The following BMPR1B variants were observed in gnomAD, a reference collection of about 807,000 sequenced individuals.
BMPR1B encodes bone morphogenetic protein receptor type 1B, also known as bone morphogenetic protein receptor type-1B.
In BMPR1B, 12 loss-of-function variants were observed where a neutral mutation model predicts 59.1. The ratio of observed to expected loss-of-function variants is 0.20; its 90% CI spans 0.13 to 0.33. The LOEUF is 0.33. BMPR1B is among the 10% of genes least tolerant of loss of function. BMPR1B has a pLI of 1.00. For missense variants in BMPR1B, 550 were observed against 610.9 expected (o/e 0.90, Z 1.05); for synonymous variants, 237 against 207.3 (o/e 1.14, Z -1.23).
chr4:94,939,307 T>C (rs1306977466), intron 2 of BMPR1B, among the ~76,000 whole-genome samples: 1 of 152,184 alleles, frequency 6.6e-6, no homozygotes. Flanking sequence ...TTTTAAAGCT[T>C]CTGTAGTTAA....
chr4:94,808,529 T>C (rs1341834580), intron 1 of BMPR1B, among the ~76,000 whole-genome samples: 2 of 152,186 alleles, frequency 1.3e-5, no homozygotes, highest in Non-Finnish European at 1.5e-5. Flanking sequence ...GCAATTTTGG[T>C]CATACAGCTT....
At chr4:95,034,641 T>TTA (rs140594794) in intron 3 of BMPR1B, among the ~76,000 whole-genome samples, 54,677 of 149,454 alleles carry the variant, frequency 0.37, 9,778 homozygotes, top group Middle Eastern at 0.51. Flanking sequence ...TATTCCATGT[T>TTA]TATATATATA....
intron 1 of BMPR1B, among the ~76,000 whole-genome samples, chr4:94,831,237 A>ACAACAACAACAACAACAAC (rs200801784): frequency 0.12 from 17,967 of 146,904 alleles, 1,194 homozygotes; most frequent in Non-Finnish European, 0.14. Flanking sequence ...AAAAAGTAAA[A>ACAACAACAACAACAACAAC]AAAAAAAAAA....
At chr4:94,971,088 T>A (rs1730777878) in intron 2 of BMPR1B, among the ~76,000 whole-genome samples, 1 of 152,196 alleles carries the variant, frequency 6.6e-6, no homozygotes, top group African/African-American at 2.4e-5. Flanking sequence ...CAATAATGAT[T>A]TTTACATTTG....
intron 1 of BMPR1B, among the ~76,000 whole-genome samples, chr4:94,809,709 T>A (rs1723741503): frequency 6.6e-6 from 1 of 152,242 alleles, no homozygotes; most frequent in Non-Finnish European, 1.5e-5. Flanking sequence ...TTTGTTTCAC[T>A]CTTCAGAAAC....
chr4:94,923,072 A>G (rs866065061), intron 2 of BMPR1B, among the ~76,000 whole-genome samples: 1 of 152,198 alleles, frequency 6.6e-6, no homozygotes, highest in African/African-American at 2.4e-5. Flanking sequence ...ATGGGTCTCT[A>G]AAATGCTGTA....
chr4:94,912,484 G>C (rs1302608857), intron 2 of BMPR1B, among the ~76,000 whole-genome samples: 1 of 152,090 alleles, frequency 6.6e-6, no homozygotes, highest in Non-Finnish European at 1.5e-5. Context: ...GGGATATGGG[G>C]AAAGAGAGAA....
At chr4:94,899,258 C>G (rs1560537655) in intron 2 of BMPR1B, among the ~76,000 whole-genome samples, 1 of 151,882 alleles carries the variant, frequency 6.6e-6, no homozygotes, top group Non-Finnish European at 1.5e-5. Flanking sequence ...ACCACAAAAT[C>G]CTTAATCTAA....
chr4:95,095,030 G>C (rs1730261246), intron 3 of BMPR1B, among the ~76,000 whole-genome samples: 1 of 151,440 alleles, frequency 6.6e-6, no homozygotes, highest in African/African-American at 2.4e-5. Context: ...TAATTATTTA[G>C]TGTATATATA....
At chr4:95,088,550 G>A (rs1251949047) in intron 3 of BMPR1B, among the ~76,000 whole-genome samples, 1 of 152,116 alleles carries the variant, frequency 6.6e-6, no homozygotes, top group Non-Finnish European at 1.5e-5. Context: ...TATCTGCTAT[G>A]TCATAATAGC....
At chr4:95,114,323 T>G (rs544745859) in intron 4 of BMPR1B, among the ~76,000 whole-genome samples, 1 of 152,208 alleles carries the variant, frequency 6.6e-6, no homozygotes, top group South Asian at 2.1e-4. Context: ...AGTTTCCTCA[T>G]ATAGAAAGCA....
chr4:94,853,116 C>T (rs1215225511), intron 1 of BMPR1B, among the ~76,000 whole-genome samples: 1 of 152,106 alleles, frequency 6.6e-6, no homozygotes, highest in African/African-American at 2.4e-5. Flanking sequence ...TTATCTTGGT[C>T]AGAGTACTAA....
intron 2 of BMPR1B, among the ~76,000 whole-genome samples, chr4:94,915,732 G>A (rs149679757): frequency 2.9e-4 from 44 of 152,200 alleles, no homozygotes; most frequent in Non-Finnish European, 2.9e-5. Flanking sequence ...ATCACGTTTG[G>A]TCATCCTACC....
At chr4:95,106,179 G>T (rs747310678) in intron 4 of BMPR1B, among the ~76,000 whole-genome samples, 1 of 151,948 alleles carries the variant, frequency 6.6e-6, no homozygotes, top group Non-Finnish European at 1.5e-5. Context: ...AGTGGTAGGA[G>T]CTGAGACAGG....
intron 3 of BMPR1B, among the ~76,000 whole-genome samples, chr4:95,048,303 A>G (rs900181553): frequency 6.6e-6 from 1 of 152,150 alleles, no homozygotes; most frequent in Non-Finnish European, 1.5e-5. Flanking sequence ...TCTTTTGGAT[A>G]TATACCCAGT....
chr4:94,877,002 T>C (rs1726756308), intron 2 of BMPR1B, among the ~76,000 whole-genome samples: 2 of 152,186 alleles, frequency 1.3e-5, no homozygotes, highest in African/African-American at 2.4e-5. Flanking sequence ...GCAGAAATAA[T>C]GTACTTTACA....
Position 95,107,102 on chromosome 4 carries a change from A to G in BMPR1B, c.143+2535A>G, listed in dbSNP as rs775753432. 2.4e-4 allele frequency among the ~76,000 whole-genome samples: 37 copies of G among 152,148 alleles called. No individual in the cohort carries two copies. In the Middle Eastern group the frequency reaches 0.024, roughly 98 times the overall value. ...GGGGAAGCATTGTCCCTGGTAAAGT[A>G]TGAAGAATTGGGATTAATAATAGAA... On this transcript the variant is annotated intron_variant, in intron 4 of 12. Transcript: ENST00000515059.
chr4:95,128,910 A>G (rs749672674), intron 8 of BMPR1B, among the ~76,000 whole-genome samples: 9 of 152,058 alleles, frequency 5.9e-5, no homozygotes, highest in African/African-American at 9.7e-5. Context: ...TCTTTGTTCT[A>G]AAGAATTCAT....
intron 12 of BMPR1B, among the ~76,000 whole-genome samples, chr4:95,153,758 G>A (rs369392956): frequency 3.3e-5 from 5 of 152,214 alleles, no homozygotes; most frequent in South Asian, 2.1e-4. Context: ...ATTGATGCAC[G>A]AGAATTGCTT....
Sources: allele counts gnomAD v4.1 joint callset (sites outside exome capture counted in the v4.1 genomes callset), GRCh38; gene constraint gnomAD v4.1.1; transcripts MANE v1.5; gene names NCBI Gene and HGNC (gene_info 2026-07-23, HGNC 2026-07-21).